The following CSMD1 variants were observed in gnomAD, a reference collection of about 807,000 sequenced individuals.
CSMD1 encodes the protein CUB and Sushi multiple domains 1, also known as CUB and sushi domain-containing protein 1.
CSMD1 carries 213 observed loss-of-function variants against 417.5 expected under a neutral mutation model. That is an observed-to-expected ratio of 0.51 (90% CI 0.46 to 0.57). The LOEUF is 0.57. CSMD1 is among the 20% of genes least tolerant of loss of function. The probability of loss-of-function intolerance (pLI) is 0.00; values close to 1 mark genes in which losing one functional copy is unlikely to be tolerated. For synonymous variants in CSMD1, 2,862 were observed against 1,736.8 expected, an observed-to-expected ratio of 1.65 and a Z score of -16.11; for missense variants, 6,923 against 4,529.7, an observed-to-expected ratio of 1.53 and a Z score of -15.17.
chr8:4,934,316 C>T (rs920099077), intron 1 of CSMD1, among the ~76,000 whole-genome samples: 2 of 152,196 alleles, frequency 1.3e-5, no homozygotes, highest in African/African-American at 2.4e-5. Context: ...TCAACATCAA[C>T]CTTGTTTTGC....
At chr8:3,998,663 A>T (rs746315653) in intron 4 of CSMD1, among the ~76,000 whole-genome samples, 5 of 152,198 alleles carry the variant, frequency 3.3e-5, no homozygotes, top group Admixed American at 6.5e-5. Flanking sequence ...AAACAGTTAC[A>T]TGAAACTTAA....
At chr8:3,257,304 A>C (rs913469790) in intron 26 of CSMD1, among the ~76,000 whole-genome samples, 1 of 152,242 alleles carries the variant, frequency 6.6e-6, no homozygotes, top group Non-Finnish European at 1.5e-5. Context: ...AGCCCGCGCT[A>C]TAAGAGTGAA....
At chr8:3,962,602 G>C (rs545607573) in intron 5 of CSMD1, among the ~76,000 whole-genome samples, 1 of 152,106 alleles carries the variant, frequency 6.6e-6, no homozygotes, top group Non-Finnish European at 1.5e-5. Flanking sequence ...GCTATGAAGA[G>C]GAAAGGAGAG....
intron 1 of CSMD1, among the ~76,000 whole-genome samples, chr8:4,640,464 C>T (rs1191110757): frequency 2.0e-5 from 3 of 152,034 alleles, no homozygotes; most frequent in Non-Finnish European, 4.4e-5. Context: ...CCATAAAATC[C>T]ACAAAGATAT....
intron 5 of CSMD1, among the ~76,000 whole-genome samples, chr8:3,825,556 C>G (rs1802008353): frequency 1.3e-5 from 2 of 149,010 alleles, no homozygotes. Flanking sequence ...GGGTGTGGGG[C>G]TGAGGGTGGT....
In CSMD1 at chr8:4,400,552, G is replaced by C. The variant is rs1182943508; in HGVS notation, c.415+19401C>G. On this transcript the variant is annotated intron_variant, in intron 3 of 69. Coordinates refer to ENST00000635120, the MANE Select transcript of CSMD1 (RefSeq NM_033225.6). ...CTCTATGCCTTTCGTGCAAGGCACA[G>C]GGCCAGCCACATCAGCCATTACTTT... Among the ~76,000 whole-genome samples the C allele has an allele frequency of 1.3e-5, 2 of 152,224 alleles. 1 individual carries two copies.
At chr8:3,320,372 G>A (rs1202778732) in intron 23 of CSMD1, among the ~76,000 whole-genome samples, 1 of 152,052 alleles carries the variant, frequency 6.6e-6, no homozygotes, top group African/African-American at 2.4e-5. Context: ...TTATTGCTTG[G>A]CTCCCCCATG....
chr8:4,242,780 T>C (rs1802478476), intron 3 of CSMD1, among the ~76,000 whole-genome samples: 1 of 152,180 alleles, frequency 6.6e-6, no homozygotes, highest in African/African-American at 2.4e-5. Flanking sequence ...AGATGGTAAT[T>C]TATTCATTTA....
chr8:4,567,592 C>A (rs561625916), intron 2 of CSMD1, among the ~76,000 whole-genome samples: 3 of 152,162 alleles, frequency 2.0e-5, no homozygotes, highest in African/African-American at 7.2e-5. Context: ...GCTTGAAAAC[C>A]CCACAGAAAG....
chr8:4,296,066 A>T (rs1349185496), intron 3 of CSMD1, among the ~76,000 whole-genome samples: 1 of 152,118 alleles, frequency 6.6e-6, no homozygotes, highest in Non-Finnish European at 1.5e-5. Flanking sequence ...AGGAGCCCTT[A>T]AAATGATGTG....
chr8:3,061,749 G>C (rs948987862), intron 49 of CSMD1, among the ~76,000 whole-genome samples: 3 of 152,094 alleles, frequency 2.0e-5, no homozygotes, highest in Admixed American at 2.0e-4. Flanking sequence ...TGACATCATT[G>C]ATCAAATACA....
chr8:4,089,803 T>C (rs11783062), intron 3 of CSMD1, among the ~76,000 whole-genome samples: 1 of 151,910 alleles, frequency 6.6e-6, no homozygotes, highest in African/African-American at 2.4e-5. Context: ...GTCTACCGAG[T>C]GTGTTTGGTC....
chr8:3,288,424 G>C (rs925246846), intron 25 of CSMD1, among the ~76,000 whole-genome samples: 1 of 146,958 alleles, frequency 6.8e-6, no homozygotes, highest in African/African-American at 2.7e-5. Flanking sequence ...GAATCCATCT[G>C]GTCCTGGACT....
chr8:3,740,916 T>C (rs1584930136), intron 6 of CSMD1, among the ~76,000 whole-genome samples: 1 of 151,818 alleles, frequency 6.6e-6, no homozygotes, highest in African/African-American at 2.4e-5. Flanking sequence ...GAAACTGGGA[T>C]CAGAAGAAGA....
intron 36 of CSMD1, among the ~76,000 whole-genome samples, chr8:3,181,640 G>A (rs930406341): frequency 6.6e-6 from 1 of 152,140 alleles, no homozygotes; most frequent in African/African-American, 2.4e-5. Context: ...TTCAGAAGAC[G>A]TTGCTTTTGA....
At chr8:4,645,834 G>A (rs73190803) in intron 1 of CSMD1, among the ~76,000 whole-genome samples, 2 of 152,046 alleles carry the variant, frequency 1.3e-5, no homozygotes, top group South Asian at 2.1e-4. Context: ...TCTTCACAGG[G>A]AGGCTTCATG....
chr8:3,180,163 G>A (rs917583190), intron 37 of CSMD1, among the ~76,000 whole-genome samples: 1 of 152,148 alleles, frequency 6.6e-6, no homozygotes, highest in Non-Finnish European at 1.5e-5. Context: ...ACTCTCATTG[G>A]AAATTCTTAT....
At chr8:4,432,273 A>T (rs1351384040) in intron 2 of CSMD1, among the ~76,000 whole-genome samples, 1 of 152,184 alleles carries the variant, frequency 6.6e-6, no homozygotes, top group African/African-American at 2.4e-5. Context: ...ACTGTTTTCC[A>T]GGTGTAGGTT....
chr8:3,674,160 T>A (rs912012744), intron 7 of CSMD1, among the ~76,000 whole-genome samples: 2 of 152,158 alleles, frequency 1.3e-5, no homozygotes, highest in African/African-American at 4.8e-5. Flanking sequence ...TTGAGCAACA[T>A]TCATAATGAA....
Sources: allele counts gnomAD v4.1 joint callset (sites outside exome capture counted in the v4.1 genomes callset), GRCh38; gene constraint gnomAD v4.1.1; transcripts MANE v1.5; gene names NCBI Gene and HGNC (gene_info 2026-07-23, HGNC 2026-07-21).